ARHGEF28: variants seen among roughly 807,000 people sequenced by gnomAD.
ARHGEF28 encodes the protein Rho guanine nucleotide exchange factor 28, also known as 190 kDa guanine nucleotide exchange factor.
A neutral mutation model predicts 206.6 loss-of-function variants in ARHGEF28; 152 were observed. That is an observed-to-expected ratio of 0.74 (90% CI 0.64 to 0.84). The LOEUF (loss-of-function observed/expected upper bound fraction) is 0.84. Among genes scored for constraint, ARHGEF28 ranks in the 40% least tolerant of loss-of-function variants. ARHGEF28 has a pLI of 0.00. For missense variants in ARHGEF28, 2,028 were observed against 2,073.2 expected, an observed-to-expected ratio of 0.98 and a Z score of 0.42; for synonymous variants, 763 against 776.4, an observed-to-expected ratio of 0.98 and a Z score of 0.29.
chr5:73,904,815 T>C (rs779100809), intron 33 of ARHGEF28: 13 of 177,416 alleles, frequency 7.3e-5, no homozygotes, highest in Non-Finnish European at 8.3e-5. Flanking sequence ...CTTTACTCTT[T>C]TGTTTGTTCA....
At chr5:73,658,962 T>TACACACAC (rs55877309) in intron 1 of ARHGEF28, among the ~76,000 whole-genome samples, 1,649 of 124,808 alleles carry the variant, frequency 0.013, 19 homozygotes, top group East Asian at 0.03. Context: ...TGCATGCAGG[T>TACACACAC]ACACACACAC....
At chr5:73,928,004 A>C (rs1275952493) in intron 35 of ARHGEF28, among the ~76,000 whole-genome samples, 2 of 152,248 alleles carry the variant, frequency 1.3e-5, no homozygotes, top group African/African-American at 4.8e-5. Flanking sequence ...GAATTAAAAA[A>C]ATAATGTTTT....
chr5:73,629,174 G>A (rs893720885), intron 1 of ARHGEF28, among the ~76,000 whole-genome samples: 5 of 152,020 alleles, frequency 3.3e-5, no homozygotes, highest in African/African-American at 9.7e-5. Flanking sequence ...CATTTTCGGA[G>A]TAGACTTTTG....
chr5:73,789,166 CCTAT>C (rs1401576900), intron 7 of ARHGEF28, among the ~76,000 whole-genome samples: 3 of 152,110 alleles, frequency 2.0e-5, no homozygotes, highest in African/African-American at 4.8e-5. Context: ...GTAGATACCT[CCTAT>C]CTATCTATCT....
intron 1 of ARHGEF28, among the ~76,000 whole-genome samples, chr5:73,648,203 A>C (rs1211374295): frequency 6.6e-6 from 1 of 152,200 alleles, no homozygotes; most frequent in East Asian, 1.9e-4. Flanking sequence ...GTTGACATTC[A>C]CATTGGAATA....
chr5:73,668,241 C>T (rs1746092021), intron 1 of ARHGEF28, among the ~76,000 whole-genome samples: 1 of 152,182 alleles, frequency 6.6e-6, no homozygotes, highest in Admixed American at 6.5e-5. Context: ...ATTCTCAGTA[C>T]CAATTTCCTG....
intron 2 of ARHGEF28, among the ~76,000 whole-genome samples, chr5:73,707,143 AG>A (rs1748986950): frequency 6.6e-6 from 1 of 152,114 alleles, no homozygotes; most frequent in South Asian, 2.1e-4. Flanking sequence ...CCAGAAGTAA[AG>A]CATCACATGC....
At chr5:73,799,796 G>A (rs776231647) in intron 9 of ARHGEF28, among the ~76,000 whole-genome samples, 1 of 152,158 alleles carries the variant, frequency 6.6e-6, no homozygotes, top group Non-Finnish European at 1.5e-5. Context: ...GTGATAGGGA[G>A]ATAGAGACAC....
Position 73,901,250 on chromosome 5 carries a change from T to TAACCGACTTGGCCGTCTCTGATGC in ARHGEF28, c.4042_4065dup (p.Thr1348_Ala1355dup). On this transcript the variant is annotated inframe_insertion, in exon 31 of 36. Transcript: ENST00000513042. ...GTGGATCCCGGGATCCAGGGTGTGG[T>TAACCGACTTGGCCGTCTCTGATGC]AACCGACTTGGCCGTCTCTGATGCA... 6.2e-7 allele frequency: 1 copy of TAACCGACTTGGCCGTCTCTGATGC among 1,613,342 alleles called. No homozygotes were observed. The highest frequency in any genetic ancestry group is 8.5e-7 in the Non-Finnish European group (1 of 1,179,620).
chr5:73,848,394 A>G (rs951519844), intron 12 of ARHGEF28, among the ~76,000 whole-genome samples: 2 of 152,218 alleles, frequency 1.3e-5, no homozygotes, highest in Non-Finnish European at 2.9e-5. Flanking sequence ...TCCACCCCAG[A>G]AAGTGCTAGA....
At chr5:73,717,606 C>T (rs1040078690) in intron 2 of ARHGEF28, among the ~76,000 whole-genome samples, 1 of 152,142 alleles carries the variant, frequency 6.6e-6, no homozygotes, top group African/African-American at 2.4e-5. Flanking sequence ...ACTGAAAGTT[C>T]ATCATTTGTT....
chr5:73,765,873 C>T (rs544752697), intron 4 of ARHGEF28, among the ~76,000 whole-genome samples: 149 of 152,308 alleles, frequency 9.8e-4, no homozygotes, highest in Non-Finnish European at 1.8e-3. Context: ...GTATTGTGGG[C>T]TGGGCGCGGT....
intron 35 of ARHGEF28, among the ~76,000 whole-genome samples, chr5:73,923,692 T>G (rs566902548): frequency 6.6e-6 from 1 of 151,742 alleles, no homozygotes; most frequent in East Asian, 1.9e-4. Flanking sequence ...GGGCTTAAGG[T>G]AAAACATTGA....
At chr5:73,875,007 A>G (rs567198217) in intron 22 of ARHGEF28, among the ~76,000 whole-genome samples, 5,441 of 151,862 alleles carry the variant, frequency 0.036, 300 homozygotes, top group African/African-American at 0.12. Flanking sequence ...GACTTCCACA[A>G]TGGTTGAACT....
intron 9 of ARHGEF28, among the ~76,000 whole-genome samples, chr5:73,821,616 T>C (rs1443303162): frequency 2.6e-5 from 4 of 152,188 alleles, no homozygotes; most frequent in Non-Finnish European, 5.9e-5. Context: ...GAAGTGGTCT[T>C]GTCAGAGTCC....
At chr5:73,684,216 T>C (rs1253379259) in intron 1 of ARHGEF28, among the ~76,000 whole-genome samples, 1 of 152,198 alleles carries the variant, frequency 6.6e-6, no homozygotes, top group African/African-American at 2.4e-5. Context: ...CTATGGCCAT[T>C]AAATAATAAC....
chr5:73,711,879 C>G (rs1469439015), intron 2 of ARHGEF28, among the ~76,000 whole-genome samples: 2 of 150,970 alleles, frequency 1.3e-5, no homozygotes, highest in Admixed American at 6.6e-5. Flanking sequence ...TGCTTTTGAT[C>G]TTGGTGGGAA....
intron 35 of ARHGEF28, among the ~76,000 whole-genome samples, chr5:73,912,528 C>T (rs1447748306): frequency 6.6e-6 from 1 of 152,154 alleles, no homozygotes; most frequent in African/African-American, 2.4e-5. Context: ...TCTGATACTG[C>T]TTATAAGTTG....
chr5:73,902,139 A>AT (rs1762306608), intron 31 of ARHGEF28: 1 of 152,228 alleles, frequency 6.6e-6, no homozygotes, highest in Admixed American at 6.5e-5. Flanking sequence ...TGTATATTAC[A>AT]TAAGACTGAG....
Sources: gnomAD v4.1 joint callset for allele counts (sites outside exome capture counted in the v4.1 genomes callset) on GRCh38, gnomAD v4.1.1 for gene constraint, MANE v1.5 for transcripts, NCBI Gene and HGNC (gene_info 2026-07-23, HGNC 2026-07-21) for gene names.